WDFY3: variants seen among roughly 807,000 people sequenced by gnomAD.
WDFY3 encodes WD repeat and FYVE domain-containing protein 3.
WDFY3 carries 66 observed loss-of-function variants against 409.6 expected under a neutral mutation model. The ratio of observed to expected loss-of-function variants is 0.16; its 90% CI spans 0.13 to 0.20. The LOEUF (loss-of-function observed/expected upper bound fraction) is 0.20. WDFY3 is among the 10% of genes least tolerant of loss of function. The pLI is 1.00. For missense variants in WDFY3, 3,031 were observed against 4,298.1 expected (o/e 0.71, Z 8.24); for synonymous variants, 1,521 against 1,537.1 (o/e 0.99, Z 0.25).
At chr4:84,881,327 GA>G (rs1196478447) in intron 3 of WDFY3, among the ~76,000 whole-genome samples, 11 of 151,372 alleles carry the variant, frequency 7.3e-5, no homozygotes, top group Admixed American at 7.2e-4. Context: ...TAAAGAATAA[GA>G]AAAAAAACTA....
intron 32 of WDFY3, among the ~76,000 whole-genome samples, chr4:84,759,913 C>A (rs1457839133): frequency 6.7e-6 from 1 of 149,490 alleles, no homozygotes; most frequent in Non-Finnish European, 1.5e-5. Flanking sequence ...CAGTTTTTGC[C>A]CATTCAGTAT....
chr4:84,798,422 T>C (rs572717209), intron 17 of WDFY3, among the ~76,000 whole-genome samples: 6 of 152,316 alleles, frequency 3.9e-5, no homozygotes, highest in Non-Finnish European at 5.9e-5. Flanking sequence ...AATGCAAGTA[T>C]AGTAAAACAT....
At chr4:84,827,186 T>A (rs1016653058) in intron 9 of WDFY3, among the ~76,000 whole-genome samples, 5 of 143,102 alleles carry the variant, frequency 3.5e-5, no homozygotes, top group South Asian at 2.2e-4. Context: ...AAATACCCTT[T>A]AAAAAAAAAA....
At chr4:84,921,218 C>T (rs1261502470) in intron 2 of WDFY3, among the ~76,000 whole-genome samples, 1 of 151,982 alleles carries the variant, frequency 6.6e-6, no homozygotes, top group Non-Finnish European at 1.5e-5. Context: ...AATCTTAAAG[C>T]AACTGCTATT....
chr4:84,732,242 ATAT>A (rs1342588320), intron 44 of WDFY3, among the ~76,000 whole-genome samples: 3 of 152,304 alleles, frequency 2.0e-5, no homozygotes, highest in South Asian at 4.1e-4. Context: ...AGACCTACGC[ATAT>A]TATTATTTTA....
chr4:84,833,589 G>A (rs1756082959), intron 7 of WDFY3, among the ~76,000 whole-genome samples: 1 of 152,002 alleles, frequency 6.6e-6, no homozygotes, highest in Non-Finnish European at 1.5e-5. Context: ...GGGAGGTCGA[G>A]GCTGCAGTGA....
intron 7 of WDFY3, 151 bp downstream of exon 7, chr4:84,836,777 CA>C: frequency 4.2e-6 from 3 of 707,908 alleles, no homozygotes; most frequent in Non-Finnish European, 6.1e-6. Flanking sequence ...TCTGCAGATT[CA>C]AAAAATGTGA....
intron 10 of WDFY3, among the ~76,000 whole-genome samples, chr4:84,825,747 T>C (rs1252661361): frequency 1.3e-5 from 2 of 152,108 alleles, no homozygotes; most frequent in Non-Finnish European, 2.9e-5. Context: ...ATACATAACA[T>C]ATGTATTATA....
chr4:84,861,231 A>G (rs527366055), intron 3 of WDFY3, among the ~76,000 whole-genome samples: 70 of 152,224 alleles, frequency 4.6e-4, no homozygotes, highest in African/African-American at 1.5e-3. Flanking sequence ...AAATAAAAAC[A>G]TAAAGAGAAA....
intron 24 of WDFY3, among the ~76,000 whole-genome samples, chr4:84,785,370 A>G (rs1416383417): frequency 6.6e-6 from 1 of 152,028 alleles, no homozygotes; most frequent in Non-Finnish European, 1.5e-5. Context: ...CATGCTCCCT[A>G]TTCCTGTGGC....
At chr4:84,882,293 C>CA (rs751511870) in intron 3 of WDFY3, among the ~76,000 whole-genome samples, 4 of 152,222 alleles carry the variant, frequency 2.6e-5, no homozygotes, top group Admixed American at 6.5e-5. Context: ...AGAGTATCTC[C>CA]AATAAGTGCA....
At chr4:84,896,684 T>C (rs1765683147) in intron 3 of WDFY3, among the ~76,000 whole-genome samples, 2 of 152,188 alleles carry the variant, frequency 1.3e-5, no homozygotes, top group Admixed American at 6.5e-5. Context: ...GGTGTACATA[T>C]AACATATATC....
intron 7 of WDFY3, among the ~76,000 whole-genome samples, chr4:84,833,269 C>T (rs1265353954): frequency 3.3e-5 from 5 of 152,208 alleles, no homozygotes; most frequent in African/African-American, 1.2e-4. Context: ...GCTAAATTTT[C>T]TCATCTAAGT....
At chr4:84,856,165 C>T (rs1417065001) in intron 4 of WDFY3, among the ~76,000 whole-genome samples, 2 of 152,108 alleles carry the variant, frequency 1.3e-5, no homozygotes, top group African/African-American at 4.8e-5. Flanking sequence ...TTTGGGTGAC[C>T]TCTCTCTTAA....
At chr4:84,797,757 T>C (rs533821666) in intron 18 of WDFY3, among the ~76,000 whole-genome samples, 25 of 152,056 alleles carry the variant, frequency 1.6e-4, no homozygotes, top group African/African-American at 5.8e-4. Context: ...ATTTTTTTTG[T>C]ATTTTTTAGA....
intron 36 of WDFY3, 116 bp from the exon 37 acceptor site, chr4:84,743,915 G>A: frequency 1.7e-6 from 1 of 574,418 alleles, no homozygotes; most frequent in Admixed American, 4.1e-5. Context: ...TAATAAATTT[G>A]TTTTAAATGC....
chr4:84,762,492 T>C (rs542522789), intron 32 of WDFY3, among the ~76,000 whole-genome samples: 10 of 146,712 alleles, frequency 6.8e-5, no homozygotes, highest in Non-Finnish European at 9.0e-5. Context: ...AGGGATAGCA[T>C]TGGGAGATAT....
chr4:84,710,389 A>C (rs1490904195), intron 51 of WDFY3, among the ~76,000 whole-genome samples: 1 of 152,208 alleles, frequency 6.6e-6, no homozygotes, highest in Non-Finnish European at 1.5e-5. Flanking sequence ...GGGACAGCAG[A>C]CTTCCTTAAA....
At chr4:84,889,526 A>C (rs1211624123) in intron 3 of WDFY3, among the ~76,000 whole-genome samples, 1 of 152,214 alleles carries the variant, frequency 6.6e-6, no homozygotes, top group Non-Finnish European at 1.5e-5. Context: ...ATTCACAAAA[A>C]TGCTGCATTA....
Sources: gnomAD v4.1 joint callset for allele counts (sites outside exome capture counted in the v4.1 genomes callset) on GRCh38, gnomAD v4.1.1 for gene constraint, MANE v1.5 for transcripts, NCBI Gene and HGNC (gene_info 2026-07-23, HGNC 2026-07-21) for gene names.